SGCD: variants seen among roughly 807,000 people sequenced by gnomAD.
The protein encoded by SGCD is delta-sarcoglycan.
Under a neutral mutation model 36.6 loss-of-function variants are expected in SGCD, and 18 were observed. The ratio of observed to expected loss-of-function variants is 0.49; its 90% CI spans 0.34 to 0.73. The LOEUF is 0.73. Ranked by LOEUF, SGCD falls within the 30% of genes least tolerant of loss-of-function variation. SGCD has a pLI of 0.01. For synonymous variants in SGCD, 133 were observed against 130.6 expected, an observed-to-expected ratio of 1.02 and a Z score of -0.12; for missense variants, 387 against 346.7, an observed-to-expected ratio of 1.12 and a Z score of -0.92.
chr5:155,832,276 C>T, the SGCD span, among the ~76,000 whole-genome samples: 1 of 152,258 alleles, frequency 6.6e-6, no homozygotes, highest in African/African-American at 2.4e-5. Context: ...TGGATGACCT[C>T]TAATGCCCTT....
chr5:156,731,797 A>G (rs1167015020), intron 7 of SGCD, among the ~76,000 whole-genome samples: 1 of 152,170 alleles, frequency 6.6e-6, no homozygotes, highest in Non-Finnish European at 1.5e-5. Flanking sequence ...TGATTCTTCC[A>G]TGAGCATGGA....
the SGCD span, among the ~76,000 whole-genome samples, chr5:155,807,898 T>C: frequency 6.6e-6 from 1 of 152,338 alleles, no homozygotes; most frequent in East Asian, 1.9e-4. Flanking sequence ...AGGAGGATGA[T>C]ACACTACAAA....
chr5:156,406,018 T>TAAAAAAAAAAAAAAAAAAAGAAAAAAAA (rs10529406), intron 3 of SGCD, among the ~76,000 whole-genome samples: 1 of 103,984 alleles, frequency 9.6e-6, no homozygotes, highest in Non-Finnish European at 1.8e-5. Context: ...TATCTTTGCT[T>TAAAAAAAAAAAAAAAAAAAGAAAAAAAA]AAAAAAAAAA....
chr5:156,168,866 AT>A (rs745645000), intron 3 of SGCD, among the ~76,000 whole-genome samples: 3 of 152,214 alleles, frequency 2.0e-5, no homozygotes, highest in Non-Finnish European at 4.4e-5. Context: ...ATCAGCAAGA[AT>A]AAACACACAT....
chr5:156,631,138 A>G (rs890074780), intron 6 of SGCD, among the ~76,000 whole-genome samples: 1 of 152,152 alleles, frequency 6.6e-6, no homozygotes, highest in African/African-American at 2.4e-5. Flanking sequence ...GCTGCCTTGA[A>G]AGCTGAGTCA....
At chr5:156,041,478 G>T (rs1180396147) in intron 1 of SGCD, among the ~76,000 whole-genome samples, 5 of 152,232 alleles carry the variant, frequency 3.3e-5, no homozygotes, top group Admixed American at 2.6e-4. Flanking sequence ...AGATGGTGGA[G>T]AGGAGGGCCT....
chr5:155,980,832 G>A (rs1758213184), intron 1 of SGCD, among the ~76,000 whole-genome samples: 1 of 152,070 alleles, frequency 6.6e-6, no homozygotes, highest in African/African-American at 2.4e-5. Context: ...TACCTCGGAA[G>A]GTATTAGTCC....
chr5:156,498,935 CGTGTGTGTGTGT>C (rs71577198), intron 3 of SGCD, among the ~76,000 whole-genome samples: 1 of 149,350 alleles, frequency 6.7e-6, no homozygotes. Context: ...ATGTGTGCTA[CGTGTGTGTGTGT>C]GTGTGTGTGT....
At chr5:156,749,516 C>G (rs1757070354) in intron 7 of SGCD, among the ~76,000 whole-genome samples, 1 of 151,458 alleles carries the variant, frequency 6.6e-6, no homozygotes, top group African/African-American at 2.4e-5. Flanking sequence ...CTGTTCAAGG[C>G]AAAAAGAAGA....
At chr5:156,620,385 CAAAT>C (rs145030847) in intron 6 of SGCD, among the ~76,000 whole-genome samples, 104 of 152,268 alleles carry the variant, frequency 6.8e-4, no homozygotes, top group African/African-American at 2.3e-3. Flanking sequence ...TAAAAGTTCT[CAAAT>C]AAGTTATATT....
At chr5:156,407,582 G>GA (rs972205185) in intron 3 of SGCD, among the ~76,000 whole-genome samples, 3 of 151,768 alleles carry the variant, frequency 2.0e-5, no homozygotes, top group Non-Finnish European at 2.9e-5. Context: ...GAACTTGAAG[G>GA]AAAAAAAATG....
At chr5:156,304,911 T>C (rs1767162854) in intron 3 of SGCD, among the ~76,000 whole-genome samples, 3 of 152,168 alleles carry the variant, frequency 2.0e-5, no homozygotes. Context: ...GCCCTGGAGA[T>C]TTGTGGAACT....
intron 4 of SGCD, among the ~76,000 whole-genome samples, chr5:156,530,790 G>A (rs963798303): frequency 6.6e-5 from 10 of 151,906 alleles, no homozygotes; most frequent in African/African-American, 2.4e-4. Context: ...ATGTTGGCCA[G>A]ACTGGTCTCG....
chr5:156,580,058 T>C (rs1030605630), intron 4 of SGCD, among the ~76,000 whole-genome samples: 46 of 152,236 alleles, frequency 3.0e-4, no homozygotes, highest in Non-Finnish European at 5.7e-4. Context: ...GTACAGGTTG[T>C]TCCTTTCCAT....
chr5:156,510,169 C>CA (rs1471858746), intron 4 of SGCD, among the ~76,000 whole-genome samples: 5 of 152,126 alleles, frequency 3.3e-5, no homozygotes, highest in Non-Finnish European at 7.4e-5. Context: ...TCAAAAATAG[C>CA]AAATGAATTT....
chr5:156,697,081 A>G (rs1275005817), intron 7 of SGCD, among the ~76,000 whole-genome samples: 1 of 152,080 alleles, frequency 6.6e-6, no homozygotes, highest in East Asian at 1.9e-4. Context: ...GGTCACTTGC[A>G]TGTGTAAAAC....
chr5:155,811,008 G>A, the SGCD span, among the ~76,000 whole-genome samples: 7 of 147,692 alleles, frequency 4.7e-5, no homozygotes, highest in Admixed American at 1.4e-4. Context: ...TAGTAGAGAC[G>A]GGGTTTCACC....
At chr5:156,484,117 T>C (rs149072025) in intron 3 of SGCD, among the ~76,000 whole-genome samples, 1 of 152,356 alleles carries the variant, frequency 6.6e-6, no homozygotes, top group African/African-American at 2.4e-5. Flanking sequence ...TGTGGGCTTC[T>C]GTCTGAATCC....
chr5:156,579,419 C>G (rs116715841), intron 4 of SGCD, among the ~76,000 whole-genome samples: 1,715 of 152,174 alleles, frequency 0.011, 36 homozygotes, highest in African/African-American at 0.04. Flanking sequence ...CTGCAGGTCT[C>G]TTTCAGGTCC....
Sources: gnomAD v4.1 joint callset for allele counts (sites outside exome capture counted in the v4.1 genomes callset) on GRCh38, gnomAD v4.1.1 for gene constraint, MANE v1.5 for transcripts, NCBI Gene and HGNC (gene_info 2026-07-23, HGNC 2026-07-21) for gene names.